The following GRIA3 variants were observed in gnomAD, a reference collection of about 807,000 sequenced individuals.
GRIA3 encodes the protein glutamate ionotropic receptor AMPA type subunit 3, also known as glutamate receptor 3.
A neutral mutation model predicts 63.0 loss-of-function variants in GRIA3; 3 were observed. That is an observed-to-expected ratio of 0.05 (90% CI 0.02 to 0.12). The LOEUF (loss-of-function observed/expected upper bound fraction) is 0.12. GRIA3 is among the 10% of genes least tolerant of loss of function. The pLI is 1.00. For missense variants in GRIA3, 347 were observed against 700.9 expected (o/e 0.50, Z 5.70); for synonymous variants, 274 against 257.9 (o/e 1.06, Z -0.60).
chrX:123,189,290 A>G (rs1927361360), intron 2 of GRIA3, among the ~76,000 whole-genome samples: 1 of 112,251 alleles, frequency 8.9e-6, no homozygotes, highest in African/African-American at 3.2e-5. Flanking sequence ...CACAATCAAT[A>G]TATATGAAGA....
At chrX:123,298,487 G>A (rs1330059736) in intron 3 of GRIA3, among the ~76,000 whole-genome samples, 1 of 111,878 alleles carries the variant, frequency 8.9e-6, no homozygotes, top group African/African-American at 3.2e-5. Context: ...GATCAGTGAT[G>A]TTGAGCTTTT....
chrX:123,378,083 C>T (rs772013734), intron 5 of GRIA3, among the ~76,000 whole-genome samples: 2 of 111,645 alleles, frequency 1.8e-5, no homozygotes, highest in Non-Finnish European at 3.8e-5. Flanking sequence ...TCATGGTCAC[C>T]TCTCCCCCAT....
rs759723619 is a variant in GRIA3, at chrX:123,356,933, A to C, written c.750+1970A>C. 4.5e-5 allele frequency among the ~76,000 whole-genome samples: 5 copies of C among 111,796 alleles called. No homozygotes were observed. In the East Asian group the frequency reaches 1.4e-3, roughly 31 times the overall value. ...TTAGAAGTGCAAGATATTTATTGGGAGTAATACCTGTGAAAGATAAAAGGG... is the reference window on the plus strand; with the variant it reads ...TTAGAAGTGCAAGATATTTATTGGGCGTAATACCTGTGAAAGATAAAAGGG... On this transcript the variant is annotated intron_variant, in intron 5 of 15. Coordinates refer to ENST00000620443, the MANE Select transcript of GRIA3 (RefSeq NM_007325.5).
At chrX:123,294,442 CA>C (rs2044673531) in intron 3 of GRIA3, among the ~76,000 whole-genome samples, 1 of 111,480 alleles carries the variant, frequency 9.0e-6, no homozygotes, top group Admixed American at 9.5e-5. Flanking sequence ...TATAGCCACC[CA>C]TTCAAATTTC....
intron 2 of GRIA3, among the ~76,000 whole-genome samples, chrX:123,240,656 C>T (rs926673585): frequency 1.8e-5 from 2 of 111,858 alleles, no homozygotes; most frequent in Non-Finnish European, 3.8e-5. Flanking sequence ...TTCCTAACAA[C>T]AAACAGCAAT....
At chrX:123,358,215 T>C (rs1365718292) in intron 5 of GRIA3, 2 of 111,929 alleles carry the variant, frequency 1.8e-5, no homozygotes, top group African/African-American at 3.2e-5. Flanking sequence ...TGGATATCTA[T>C]ATACAAAAGA....
chrX:123,226,509 A>G (rs1472859351), intron 2 of GRIA3, among the ~76,000 whole-genome samples: 1 of 111,458 alleles, frequency 9.0e-6, no homozygotes, highest in African/African-American at 3.3e-5. Context: ...TAATGGCCCA[A>G]GTCTACAAAA....
chrX:123,234,854 G>T (rs1190358966), intron 2 of GRIA3, among the ~76,000 whole-genome samples: 1 of 111,636 alleles, frequency 9.0e-6, no homozygotes, highest in Non-Finnish European at 1.9e-5. Flanking sequence ...TTCTAAAGAC[G>T]AATAACTGGA....
intron 2 of GRIA3, among the ~76,000 whole-genome samples, chrX:123,221,240 T>C (rs764902325): frequency 1.8e-5 from 2 of 112,229 alleles, no homozygotes; most frequent in Non-Finnish European, 3.8e-5. Flanking sequence ...AGAAGCAAAA[T>C]ATGGTTTGTG....
chrX:123,480,532 GA>G (rs2147445592), intron 14 of GRIA3, among the ~76,000 whole-genome samples: 1 of 112,136 alleles, frequency 8.9e-6, no homozygotes, highest in East Asian at 2.8e-4. Flanking sequence ...CCAAAAAAAA[GA>G]AAGATTTATT....
At chrX:123,203,989 G>A (rs182549027) in intron 2 of GRIA3, among the ~76,000 whole-genome samples, 6 of 112,094 alleles carry the variant, frequency 5.4e-5, no homozygotes, top group Admixed American at 2.8e-4. Context: ...ACTAGTGGGC[G>A]TCTTTTCCTG....
chrX:123,185,791 T>G, intron 1 of GRIA3, 41 bp from the exon 2 acceptor site: 1 of 1,171,818 alleles, frequency 8.5e-7, no homozygotes, highest in Non-Finnish European at 1.2e-6. Flanking sequence ...GGCCCTAGTG[T>G]GGGGGAACAC....
At chrX:123,269,016 A>T (rs192867096) in intron 3 of GRIA3, among the ~76,000 whole-genome samples, 1 of 112,278 alleles carries the variant, frequency 8.9e-6, no homozygotes, top group East Asian at 2.8e-4. Context: ...GTGCCCACGC[A>T]GTCACAGTGC....
At chrX:123,311,737 G>A (rs924573879) in intron 3 of GRIA3, among the ~76,000 whole-genome samples, 1 of 112,160 alleles carries the variant, frequency 8.9e-6, no homozygotes, top group African/African-American at 3.2e-5. Flanking sequence ...ACTTACAATT[G>A]ATTGCATGGC....
intron 3 of GRIA3, among the ~76,000 whole-genome samples, chrX:123,254,246 T>C (rs2044407118): frequency 8.9e-6 from 1 of 111,852 alleles, no homozygotes; most frequent in African/African-American, 3.2e-5. Context: ...TGAGACAATA[T>C]ATTGAGGATA....
chrX:123,406,255 A>T (rs1175078485), intron 10 of GRIA3, among the ~76,000 whole-genome samples: 1 of 112,588 alleles, frequency 8.9e-6, no homozygotes, highest in African/African-American at 3.2e-5. Context: ...TAGTTCTAAC[A>T]AACAAAGATT....
rs1323597586 is a variant in GRIA3 at position 123,417,544 on chromosome X, TG to T, written c.1645del (p.Asp549IlefsTer20). On this transcript the variant is annotated frameshift_variant, in exon 11 of 16. Transcript: ENST00000620443. LOFTEE classifies it high-confidence loss of function. ...QKSKPGVFSF[L>X]DPLAYEIWMC... ...TCAAAACCAGGCGTATTCTCATTTC[TG>T]GATCCCCTGGCTTATGAAATCTGGA... The T allele has an allele frequency of 8.3e-7, 1 of 1,210,091 alleles. No homozygotes were observed.
intron 12 of GRIA3, among the ~76,000 whole-genome samples, chrX:123,463,636 G>C (rs1443526161): frequency 2.5e-5 from 1 of 39,606 alleles, no homozygotes; most frequent in African/African-American, 1.4e-4. Context: ...AAGAAAGAAA[G>C]AAAGAAAGAA....
intron 10 of GRIA3, among the ~76,000 whole-genome samples, chrX:123,416,639 A>C (rs1021838536): frequency 1.7e-4 from 19 of 113,208 alleles, no homozygotes; most frequent in African/African-American, 5.8e-4. Flanking sequence ...TGTGAGTGCT[A>C]CACTGATATT....
Sources: gnomAD v4.1 joint callset for allele counts (sites outside exome capture counted in the v4.1 genomes callset) on GRCh38, gnomAD v4.1.1 for gene constraint, MANE v1.5 for transcripts, NCBI Gene and HGNC (gene_info 2026-07-23, HGNC 2026-07-21) for gene names.